PPP6C: variants seen among roughly 807,000 people sequenced by gnomAD.
PPP6C encodes the protein serine/threonine-protein phosphatase 6 catalytic subunit.
Under a neutral mutation model 39.8 loss-of-function variants are expected in PPP6C, and 11 were observed. That is an observed-to-expected ratio of 0.28 (90% CI 0.17 to 0.46). The LOEUF (loss-of-function observed/expected upper bound fraction) is 0.46, where lower values mean the gene tolerates loss of function less well. PPP6C is among the 20% of genes least tolerant of loss of function. The pLI, the probability that PPP6C is intolerant of heterozygous loss-of-function variation, is 1.00. For missense variants in PPP6C, 211 were observed against 373.9 expected (o/e 0.56, Z 3.59); for synonymous variants, 129 against 130.3 (o/e 0.99, Z 0.07).
chr9:125,189,055 G>T, intron 1 of PPP6C: 1 of 803,052 alleles, frequency 1.2e-6, no homozygotes, highest in Non-Finnish European at 1.9e-6. Flanking sequence ...ATTCACCTCT[G>T]AATTAGCAAA....
chr9:125,154,404 T>C (rs140454875), intron 4 of PPP6C, among the ~76,000 whole-genome samples: 95 of 152,344 alleles, frequency 6.2e-4, no homozygotes, highest in Non-Finnish European at 1.2e-3. Context: ...ATTTGTGCAA[T>C]AGGAATTTTT....
intron 1 of PPP6C, among the ~76,000 whole-genome samples, chr9:125,181,002 C>A (rs151212519): frequency 6.6e-6 from 1 of 152,338 alleles, no homozygotes; most frequent in Non-Finnish European, 1.5e-5. Context: ...CCTACGACTG[C>A]CACCTCTGCT....
chr9:125,188,823 A>T (rs1829591735), intron 1 of PPP6C: 249 of 344,564 alleles, frequency 7.2e-4, no homozygotes, highest in Non-Finnish European at 1.1e-3. Flanking sequence ...ATAATAATTA[A>T]AAAGTTTTAA....
chr9:125,160,723 T>G, intron 3 of PPP6C, 118 bp downstream of exon 3: 1 of 693,854 alleles, frequency 1.4e-6, no homozygotes, highest in African/African-American at 1.9e-5. Context: ...AATACACATC[T>G]TTTAATATAC....
chr9:125,178,748 C>T (rs952276109), intron 1 of PPP6C, among the ~76,000 whole-genome samples: 18 of 152,186 alleles, frequency 1.2e-4, no homozygotes, highest in African/African-American at 4.1e-4. Context: ...TATCACCAAG[C>T]TTCACTGAGG....
chr9:125,164,180 T>C (rs1204042610), intron 2 of PPP6C, among the ~76,000 whole-genome samples: 1 of 146,328 alleles, frequency 6.8e-6, no homozygotes. Context: ...CATCGTCAAA[T>C]AATATCTACC....
chr9:125,189,758 C>G lies in PPP6C; in HGVS notation c.-40G>C. On this transcript the variant is annotated 5_prime_UTR_variant, in exon 1 of 7. Coordinates refer to ENST00000373547, the MANE Select transcript of PPP6C (RefSeq NM_002721.5). ...GCCGCGGCAACAGCGGCGGCGGCGG[C>G]TGTAGCAGCGGCGGCGGCAGCGGCG... 6.5e-7 allele frequency: 1 copy of G among 1,547,352 alleles called. No individual in the cohort carries two copies. Among genetic ancestry groups the G allele is most frequent in the Non-Finnish European group, 8.7e-7 (1 of 1,147,960 alleles).
At chr9:125,188,013 G>A (rs1289286964) in intron 1 of PPP6C, among the ~76,000 whole-genome samples, 1 of 152,010 alleles carries the variant, frequency 6.6e-6, no homozygotes, top group Non-Finnish European at 1.5e-5. Context: ...ATGCATACTT[G>A]TTGACTGATG....
chr9:125,166,009 C>T (rs1050946161), intron 2 of PPP6C, among the ~76,000 whole-genome samples: 2 of 151,968 alleles, frequency 1.3e-5, no homozygotes, highest in African/African-American at 2.4e-5. Flanking sequence ...GTTGCTCAGG[C>T]TGGTCTCAAA....
At position 125,162,457 on chromosome 9, in the gene PPP6C, CAAAA is replaced by C. The variant is rs977223135; in HGVS notation, c.172-1555_172-1552del. Reference sequence around the variant, plus strand: ...TGGGCAACAGAGCAAGATTCTGTCTCAAAAAAAAAAAAAAAAAAAAAAAAAAGTG... The same window carrying C: ...TGGGCAACAGAGCAAGATTCTGTCTCAAAAAAAAAAAAAAAAAAAAAAGTG... On this transcript the variant is annotated intron_variant, in intron 2 of 6. Coordinates refer to ENST00000373547, the MANE Select transcript of PPP6C (RefSeq NM_002721.5). Among the ~76,000 whole-genome samples the C allele has an allele frequency of 1.3e-4, 9 of 70,976 alleles. No homozygotes were observed. The South Asian group carries it at 4.6e-3, about 36-fold the overall frequency. The allele number at this position is 70,976 out of a possible 152,430, so 46.6% of individuals were successfully genotyped here. A position where few individuals can be genotyped will look rare whatever the true frequency, so the allele number is the denominator to read the frequency against.
intron 6 of PPP6C, among the ~76,000 whole-genome samples, chr9:125,152,306 T>C (rs1276824652): frequency 6.6e-6 from 1 of 152,174 alleles, no homozygotes; most frequent in Non-Finnish European, 1.5e-5. Flanking sequence ...AAATGAACAC[T>C]GTACCGTAGT....
At chr9:125,150,944 TAAAG>T (rs2131295548) in intron 6 of PPP6C, 11 of 1,166,920 alleles carry the variant, frequency 9.4e-6, no homozygotes, top group African/African-American at 1.5e-5. Context: ...AGCAGGATAA[TAAAG>T]AGTCAGGTGA....
At chr9:125,173,997 T>C (rs1248402506) in intron 1 of PPP6C, among the ~76,000 whole-genome samples, 3 of 152,136 alleles carry the variant, frequency 2.0e-5, no homozygotes, top group Non-Finnish European at 4.4e-5. Context: ...AACCAAAAAA[T>C]GTCATAGAAA....
intron 2 of PPP6C, among the ~76,000 whole-genome samples, chr9:125,162,718 G>A (rs1828911921): frequency 6.7e-6 from 1 of 149,486 alleles, no homozygotes; most frequent in Non-Finnish European, 1.5e-5. Flanking sequence ...GGAGGATGCA[G>A]TAAGCCAAGA....
chr9:125,158,212 T>C, intron 4 of PPP6C, 29 bp downstream of exon 4: 1 of 1,566,166 alleles, frequency 6.4e-7, no homozygotes, highest in African/African-American at 1.4e-5. Flanking sequence ...TAAAATAATA[T>C]TCAGAATCAG....
chr9:125,175,564 AC>A (rs1829279227), intron 1 of PPP6C, among the ~76,000 whole-genome samples: 1 of 147,482 alleles, frequency 6.8e-6, no homozygotes, highest in South Asian at 2.2e-4. Flanking sequence ...AATGGCATGA[AC>A]CCGGGAGGCG....
intron 2 of PPP6C, among the ~76,000 whole-genome samples, chr9:125,168,753 G>A (rs1328991209): frequency 1.4e-5 from 2 of 139,248 alleles, no homozygotes; most frequent in Non-Finnish European, 3.3e-5. Context: ...CACCACACCC[G>A]GCTTATTTTT....
chr9:125,179,022 A>G (rs1205705339), intron 1 of PPP6C, among the ~76,000 whole-genome samples: 1 of 152,114 alleles, frequency 6.6e-6, no homozygotes, highest in Non-Finnish European at 1.5e-5. Flanking sequence ...CGAGACCAGC[A>G]TGACCAACGC....
intron 1 of PPP6C, among the ~76,000 whole-genome samples, chr9:125,189,368 C>T (rs996644312): frequency 1.3e-5 from 2 of 152,236 alleles, no homozygotes; most frequent in African/African-American, 4.8e-5. Context: ...GCTGTTACAG[C>T]TGCGGGTCCT....
Sources: gnomAD v4.1 joint callset for allele counts (sites outside exome capture counted in the v4.1 genomes callset) on GRCh38, gnomAD v4.1.1 for gene constraint, MANE v1.5 for transcripts, NCBI Gene and HGNC (gene_info 2026-07-23, HGNC 2026-07-21) for gene names.